Variants in CCSER1 observed in about 807,000 individuals in gnomAD.
CCSER1 encodes serine-rich coiled-coil domain-containing protein 1.
CCSER1 carries 41 observed loss-of-function variants against 82.0 expected under a neutral mutation model. The ratio of observed to expected loss-of-function variants is 0.50; its 90% CI spans 0.39 to 0.65. CCSER1 has a LOEUF of 0.65. Among genes scored for constraint, CCSER1 ranks in the 30% least tolerant of loss-of-function variants. CCSER1 has a pLI of 0.00. For synonymous variants in CCSER1, 414 were observed against 383.9 expected, an observed-to-expected ratio of 1.08 and a Z score of -0.92; for missense variants, 1,119 against 1,064.2, an observed-to-expected ratio of 1.05 and a Z score of -0.72.
chr4:91,041,833 G>A (rs1741980028), intron 9 of CCSER1, among the ~76,000 whole-genome samples: 1 of 152,126 alleles, frequency 6.6e-6, no homozygotes, highest in African/African-American at 2.4e-5. Flanking sequence ...ACTCACATGT[G>A]CTTCAGGTAC....
chr4:90,380,928 G>A lies in CCSER1; in HGVS notation c.1510-19108G>A, dbSNP rs190766871. Among the ~76,000 whole-genome samples the A allele has an allele frequency of 5.9e-5, 9 of 152,316 alleles. No individual in the cohort carries two copies. The East Asian group carries it at 1.7e-3, about 29-fold the overall frequency. ...CAAACAGGAAGTGATTGCAATTCAG[G>A]GCTGTGTGCTAAGTGAGAAATAAGC... On this transcript the variant is annotated intron_variant, in intron 3 of 10. Transcript: ENST00000509176.
chr4:91,270,243 G>A (rs1237269249), intron 10 of CCSER1, among the ~76,000 whole-genome samples: 1 of 151,964 alleles, frequency 6.6e-6, no homozygotes, highest in Non-Finnish European at 1.5e-5. Flanking sequence ...CTGAGGCCAG[G>A]GAATAAGTGC....
intron 10 of CCSER1, among the ~76,000 whole-genome samples, chr4:91,574,681 G>C (rs1763353280): frequency 6.6e-6 from 1 of 152,010 alleles, no homozygotes; most frequent in Admixed American, 6.6e-5. Context: ...TTATAAGTAG[G>C]AGCTAAACAT....
intron 10 of CCSER1, among the ~76,000 whole-genome samples, chr4:91,561,844 T>G (rs1303203244): frequency 6.6e-6 from 1 of 151,538 alleles, no homozygotes; most frequent in Non-Finnish European, 1.5e-5. Flanking sequence ...AGGAGCACTC[T>G]TATGAACATA....
intron 10 of CCSER1, among the ~76,000 whole-genome samples, chr4:91,500,458 C>A (rs1057381029): frequency 6.6e-6 from 1 of 151,880 alleles, no homozygotes; most frequent in Non-Finnish European, 1.5e-5. Flanking sequence ...AAGCTATATT[C>A]TTCATAATTT....
At chr4:90,359,847 ATG>A (rs1348177533) in intron 3 of CCSER1, among the ~76,000 whole-genome samples, 94 of 150,436 alleles carry the variant, frequency 6.2e-4, no homozygotes, top group African/African-American at 2.2e-3. Flanking sequence ...GTGTATATAT[ATG>A]TGTGTATATA....
intron 9 of CCSER1, among the ~76,000 whole-genome samples, chr4:90,933,020 GAAAGAA>G (rs1730334675): frequency 2.3e-5 from 2 of 87,106 alleles, no homozygotes; most frequent in African/African-American, 1.3e-4. Flanking sequence ...AAGAAAGAAA[GAAAGAA>G]AGAAAGAAAG....
intron 4 of CCSER1, among the ~76,000 whole-genome samples, chr4:90,414,307 AT>A (rs1297160256): frequency 6.6e-6 from 1 of 151,718 alleles, no homozygotes; most frequent in African/African-American, 2.4e-5. Context: ...GATTTAAAGG[AT>A]TTTTTTATTA....
At chr4:90,573,114 A>C (rs1425417109) in intron 5 of CCSER1, among the ~76,000 whole-genome samples, 1 of 152,236 alleles carries the variant, frequency 6.6e-6, no homozygotes, top group Non-Finnish European at 1.5e-5. Flanking sequence ...GTGCGCCTGT[A>C]GTGGGCATGG....
chr4:91,050,622 C>A (rs1742925836), intron 9 of CCSER1, among the ~76,000 whole-genome samples: 1 of 152,110 alleles, frequency 6.6e-6, no homozygotes, highest in African/African-American at 2.4e-5. Context: ...TTAGCAAAGT[C>A]ACTCTGCCAA....
At chr4:90,827,258 C>G (rs994916702) in intron 8 of CCSER1, among the ~76,000 whole-genome samples, 1 of 152,158 alleles carries the variant, frequency 6.6e-6, no homozygotes, top group African/African-American at 2.4e-5. Context: ...TGTCATGGCA[C>G]TGATGGGACT....
At chr4:91,495,911 C>T (rs976110345) in intron 10 of CCSER1, among the ~76,000 whole-genome samples, 3 of 151,400 alleles carry the variant, frequency 2.0e-5, no homozygotes, top group Admixed American at 6.6e-5. Flanking sequence ...TGCATGATAA[C>T]GTTTTGAATA....
chr4:90,506,774 A>T (rs1388909606), intron 5 of CCSER1, among the ~76,000 whole-genome samples: 2 of 151,962 alleles, frequency 1.3e-5, no homozygotes, highest in Admixed American at 6.6e-5. Context: ...CCAAAAAAAA[A>T]AAAAATAAAT....
chr4:91,599,275 T>C lies in CCSER1; in HGVS notation c.*218T>C, dbSNP rs976011452. On this transcript the variant is annotated 3_prime_UTR_variant, in exon 11 of 11. Coordinates refer to ENST00000509176, the MANE Select transcript of CCSER1 (RefSeq NM_001145065.2). ...GTTAATTGAACTAGGTTGCATTGCC[T>C]TGAAGACTTTACTATATAGGTGTAT... 1 of 502,434 alleles carries C rather than the reference T, an allele frequency of 2.0e-6. No homozygotes were observed. Among genetic ancestry groups the C allele is most frequent in the Non-Finnish European group, 3.5e-6 (1 of 287,682 alleles). 31.1% of individuals were successfully genotyped at this position (502,434 alleles called of 1,614,324 possible).
intron 10 of CCSER1, among the ~76,000 whole-genome samples, chr4:91,422,232 C>T (rs1753718260): frequency 6.6e-6 from 1 of 152,048 alleles, no homozygotes; most frequent in Non-Finnish European, 1.5e-5. Flanking sequence ...AAAAAAACCC[C>T]TGTACATTAA....
intron 8 of CCSER1, among the ~76,000 whole-genome samples, chr4:90,871,293 AT>A (rs1032414463): frequency 2.7e-4 from 41 of 151,596 alleles, no homozygotes; most frequent in Admixed American, 3.9e-4. Context: ...TTAAAAAAAA[AT>A]ATTTAGGATC....
rs562542382 is a variant in CCSER1 at position 91,312,616 on chromosome 4, G to T, written c.2217+226622G>T. Among the ~76,000 whole-genome samples the T allele has an allele frequency of 1.9e-3, 286 of 151,964 alleles. 1 individual carries two copies. Among genetic ancestry groups the T allele is most frequent in the Non-Finnish European group, 2.9e-3 (198 of 67,896 alleles). On this transcript the variant is annotated intron_variant, in intron 10 of 10. Coordinates refer to ENST00000509176, the MANE Select transcript of CCSER1 (RefSeq NM_001145065.2). ...AGGCATAAAGCACGCAATACAGACTGGTGGACTTTAAACTTGGATTCCATA... is the reference window on the plus strand; with the variant it reads ...AGGCATAAAGCACGCAATACAGACTTGTGGACTTTAAACTTGGATTCCATA...
chr4:90,949,519 A>G (rs1040969445), intron 9 of CCSER1, among the ~76,000 whole-genome samples: 1 of 152,056 alleles, frequency 6.6e-6, no homozygotes, highest in Non-Finnish European at 1.5e-5. Context: ...CCATCTAAGA[A>G]TTCATTTGTT....
intron 3 of CCSER1, among the ~76,000 whole-genome samples, chr4:90,365,513 GTAC>G (rs1746134992): frequency 6.6e-6 from 1 of 151,784 alleles, no homozygotes; most frequent in Admixed American, 6.6e-5. Context: ...ACAATTGTAT[GTAC>G]ATAGGATGAT....
Sources: gnomAD v4.1 joint callset for allele counts (sites outside exome capture counted in the v4.1 genomes callset) on GRCh38, gnomAD v4.1.1 for gene constraint, MANE v1.5 for transcripts, NCBI Gene and HGNC (gene_info 2026-07-23, HGNC 2026-07-21) for gene names.